AUH: variants seen among roughly 807,000 people sequenced by gnomAD.
AUH encodes AU RNA binding methylglutaconyl-CoA hydratase, also known as methylglutaconyl-CoA hydratase, mitochondrial.
AUH carries 29 observed loss-of-function variants against 42.3 expected under a neutral mutation model. That is an observed-to-expected ratio of 0.69 (90% confidence interval 0.51 to 0.93). The LOEUF (loss-of-function observed/expected upper bound fraction) is 0.93. Among genes scored for constraint, AUH ranks in the 40% least tolerant of loss-of-function variants. The pLI is 0.00. For missense variants in AUH, 452 were observed against 438.1 expected (o/e 1.03, Z -0.28); for synonymous variants, 174 against 166.4 (o/e 1.05, Z -0.35).
intron 6 of AUH, among the ~76,000 whole-genome samples, chr9:91,246,546 C>T (rs751642896): frequency 6.6e-6 from 1 of 152,170 alleles, no homozygotes; most frequent in Non-Finnish European, 1.5e-5. Flanking sequence ...GGCAAATGAA[C>T]ACGCTGAAAT....
At chr9:91,257,406 T>G (rs1005737134) in intron 6 of AUH, among the ~76,000 whole-genome samples, 1 of 152,006 alleles carries the variant, frequency 6.6e-6, no homozygotes, top group African/African-American at 2.4e-5. Flanking sequence ...AATGGACACA[T>G]GCCACCCAGA....
rs1826681316 is a variant in AUH, at chr9:91,213,933, A to G, written c.*415T>C. The G allele has an allele frequency of 5.9e-6, 1 of 168,552 alleles. No homozygotes were observed. Among genetic ancestry groups the G allele is most frequent in the Admixed American group, 5.8e-5 (1 of 17,338 alleles). 10.4% of individuals were successfully genotyped at this position (168,552 alleles called of 1,614,324 possible). A position where few individuals can be genotyped will look rare whatever the true frequency, so the allele number is the denominator to read the frequency against. On this transcript the variant is annotated 3_prime_UTR_variant, in exon 10 of 10. Transcript: ENST00000375731. ...AGCTGTTCGTATGCATTAATCACTT[A>G]GAAACTTTATTTGGTATAACTTCAC...
At chr9:91,321,638 T>C (rs896954736) in intron 4 of AUH, among the ~76,000 whole-genome samples, 3 of 152,114 alleles carry the variant, frequency 2.0e-5, no homozygotes, top group Non-Finnish European at 2.9e-5. Context: ...AAAATGAAGA[T>C]AGGAGACAAA....
intron 3 of AUH, among the ~76,000 whole-genome samples, chr9:91,346,758 C>A (rs911604328): frequency 1.3e-5 from 2 of 151,792 alleles, no homozygotes; most frequent in African/African-American, 4.8e-5. Flanking sequence ...ATGCAACTCA[C>A]AAGTCCCAGG....
chr9:91,242,438 T>C (rs1180591911), intron 6 of AUH, among the ~76,000 whole-genome samples: 2 of 152,010 alleles, frequency 1.3e-5, no homozygotes, highest in Non-Finnish European at 1.5e-5. Context: ...TCTTTCCAAA[T>C]CAAGGAGGAA....
intron 6 of AUH, among the ~76,000 whole-genome samples, chr9:91,260,962 TCAGA>T (rs1467271428): frequency 6.6e-6 from 1 of 152,220 alleles, no homozygotes; most frequent in Non-Finnish European, 1.5e-5. Context: ...AATTTTCACT[TCAGA>T]GATTGTACAT....
chr9:91,350,896 T>TAATATAATTTGTTAATATAACG (rs1215085223), intron 3 of AUH, among the ~76,000 whole-genome samples: 1 of 152,222 alleles, frequency 6.6e-6, no homozygotes, highest in Non-Finnish European at 1.5e-5. Flanking sequence ...TATATTTGCT[T>TAATATAATTTGTTAATATAACG]AATATAATTT....
chr9:91,278,184 T>C (rs996160499), intron 6 of AUH, among the ~76,000 whole-genome samples: 7 of 152,170 alleles, frequency 4.6e-5, no homozygotes, highest in Non-Finnish European at 8.8e-5. Context: ...AAGGGTGCCA[T>C]GCCTAGCGAC....
At chr9:91,339,061 A>G (rs1213843771) in intron 3 of AUH, among the ~76,000 whole-genome samples, 7 of 151,666 alleles carry the variant, frequency 4.6e-5, no homozygotes, top group African/African-American at 1.7e-4. Context: ...TAACCTAAGT[A>G]ACTCTTCACA....
chr9:91,238,203 C>T, intron 6 of AUH, among the ~76,000 whole-genome samples: 1 of 152,158 alleles, frequency 6.6e-6, no homozygotes, highest in East Asian at 1.9e-4. Flanking sequence ...AAACCAGGTT[C>T]CCTCAATGTT....
intron 6 of AUH, among the ~76,000 whole-genome samples, chr9:91,223,807 GT>G (rs1827275436): frequency 1.3e-5 from 2 of 152,114 alleles, no homozygotes; most frequent in African/African-American, 4.8e-5. Context: ...CCCATAGACA[GT>G]TCTTTTTGGA....
chr9:91,218,756 A>AT, intron 7 of AUH: 2 of 984,584 alleles, frequency 2.0e-6, no homozygotes, highest in Non-Finnish European at 2.4e-6. Context: ...TATAATACAG[A>AT]TATCACCTAG....
intron 4 of AUH, among the ~76,000 whole-genome samples, chr9:91,304,190 G>A (rs1828035564): frequency 6.6e-6 from 1 of 152,150 alleles, no homozygotes; most frequent in South Asian, 2.1e-4. Flanking sequence ...CTTACAGAAA[G>A]GGTCATTATA....
intron 6 of AUH, among the ~76,000 whole-genome samples, chr9:91,267,717 G>C (rs950240272): frequency 1.8e-4 from 27 of 152,142 alleles, no homozygotes; most frequent in Non-Finnish European, 2.6e-4. Flanking sequence ...CTATGATTCA[G>C]AAACATTTGG....
chr9:91,357,951 A>G (rs1051224390), intron 1 of AUH, among the ~76,000 whole-genome samples: 2 of 152,240 alleles, frequency 1.3e-5, no homozygotes, highest in African/African-American at 4.8e-5. Flanking sequence ...ACACATGCAC[A>G]TATAAAACTG....
At chr9:91,277,550 G>A (rs1303257236) in intron 6 of AUH, among the ~76,000 whole-genome samples, 2 of 152,060 alleles carry the variant, frequency 1.3e-5, no homozygotes, top group East Asian at 3.9e-4. Context: ...AGCTGCAGAA[G>A]AGAATGTATA....
intron 6 of AUH, among the ~76,000 whole-genome samples, chr9:91,246,549 G>A (rs1195883554): frequency 2.6e-5 from 4 of 152,142 alleles, no homozygotes. Context: ...AAATGAACAC[G>A]CTGAAATGAA....
intron 6 of AUH, among the ~76,000 whole-genome samples, chr9:91,273,267 G>A (rs777493326): frequency 5.3e-5 from 8 of 152,112 alleles, no homozygotes; most frequent in Non-Finnish European, 1.0e-4. Context: ...TTAAGATGCC[G>A]GCAAGGTTAA....
chr9:91,234,556 T>C (rs1385362054), intron 6 of AUH, among the ~76,000 whole-genome samples: 1 of 152,128 alleles, frequency 6.6e-6, no homozygotes, highest in Non-Finnish European at 1.5e-5. Flanking sequence ...ATAGAGCTAT[T>C]AGTTTTCTTT....
Sources: allele counts gnomAD v4.1 joint callset (sites outside exome capture counted in the v4.1 genomes callset), GRCh38; gene constraint gnomAD v4.1.1; transcripts MANE v1.5; gene names NCBI Gene and HGNC (gene_info 2026-07-23, HGNC 2026-07-21).